Variants in RGS5 observed in about 807,000 individuals in gnomAD.
RGS5 encodes the protein regulator of G protein signaling 5.
A neutral mutation model predicts 18.9 loss-of-function variants in RGS5; 20 were observed. The observed-to-expected ratio is 1.06, with a 90% CI of 0.74 to 1.54. The LOEUF is 1.54. Ranked by LOEUF, RGS5 falls within the 40% of genes most tolerant of loss-of-function variation. RGS5 has a pLI of 0.00. For missense variants in RGS5, 201 were observed against 211.8 expected, an observed-to-expected ratio of 0.95 and a Z score of 0.32; for synonymous variants, 57 against 76.2, an observed-to-expected ratio of 0.75 and a Z score of 1.31.
At chr1:163,217,780 A>G (rs1660250307), upstream of RGS5, 2 of 727,882 alleles carry the variant, frequency 2.7e-6, no homozygotes, top group East Asian at 5.8e-5. Flanking sequence ...AACTTCTGAT[A>G]TGTGGTTTAT....
intron 1 of RGS5, among the ~76,000 whole-genome samples, chr1:163,177,553 GAA>G (rs371722885): frequency 2.9e-4 from 44 of 152,238 alleles, no homozygotes; most frequent in Middle Eastern, 3.4e-3. Context: ...ACCTGGGGGA[GAA>G]ACACACTTTA....
intron 2 of RGS5, among the ~76,000 whole-genome samples, chr1:163,290,473 G>A (rs1461376537): frequency 1.3e-5 from 2 of 152,128 alleles, no homozygotes; most frequent in Non-Finnish European, 2.9e-5. Context: ...TGTTTACTAA[G>A]CCATCTCAGT....
At chr1:163,314,563 C>CA (rs66971381) in intron 1 of RGS5, among the ~76,000 whole-genome samples, 8,021 of 151,642 alleles carry the variant, frequency 0.053, 240 homozygotes, top group South Asian at 0.093. Context: ...ACAACAACAA[C>CA]AAAAAAAACC....
intron 2 of RGS5, among the ~76,000 whole-genome samples, chr1:163,254,413 A>C (rs1012168762): frequency 6.6e-6 from 1 of 151,980 alleles, no homozygotes; most frequent in African/African-American, 2.4e-5. Flanking sequence ...GATGGTGAGC[A>C]TTTTTTCATG....
intron 3 of RGS5, among the ~76,000 whole-genome samples, chr1:163,156,613 G>A (rs971043012): frequency 6.6e-6 from 1 of 152,054 alleles, no homozygotes; most frequent in Non-Finnish European, 1.5e-5. Flanking sequence ...CCACCTCCCA[G>A]TCTAAATCTG....
intron 1 of RGS5, among the ~76,000 whole-genome samples, chr1:163,196,123 AG>A (rs1458939042): frequency 6.6e-6 from 1 of 152,180 alleles, no homozygotes; most frequent in Non-Finnish European, 1.5e-5. Context: ...AGAAACAATC[AG>A]GCTTTCACTG....
intron 1 of RGS5, among the ~76,000 whole-genome samples, chr1:163,315,338 C>T (rs1649991513): frequency 6.6e-6 from 1 of 152,084 alleles, no homozygotes; most frequent in Non-Finnish European, 1.5e-5. Flanking sequence ...AGTAGGACTG[C>T]CTGAGGCCAG....
chr1:163,280,981 C>T (rs765745902), intron 2 of RGS5, among the ~76,000 whole-genome samples: 15 of 152,200 alleles, frequency 9.9e-5, no homozygotes, highest in African/African-American at 2.4e-4. Context: ...GCTCTCATTC[C>T]GATGAGTTGT....
In RGS5 at chr1:163,143,324, A is replaced by G. The variant is rs1375349641; in HGVS notation, c.*4018T>C. On this transcript the variant is annotated 3_prime_UTR_variant, in exon 5 of 5. Transcript: ENST00000313961. ...AGATGCACCAAACTTCATGTCCAAA[A>G]CCTACATAGAATTGCCTACCCCTTG... is the stretch of plus-strand genomic sequence containing the variant. The G allele has an allele frequency of 2.0e-5, 3 of 152,006 alleles. No homozygotes were observed. The highest frequency in any genetic ancestry group is 4.4e-5 in the Non-Finnish European group (3 of 67,998). The allele number at this position is 152,006 out of a possible 1,614,324, so 9.4% of individuals were successfully genotyped here.
chr1:163,207,512 C>T (rs1659979299), upstream of RGS5, among the ~76,000 whole-genome samples: 1 of 152,104 alleles, frequency 6.6e-6, no homozygotes, highest in African/African-American at 2.4e-5. Flanking sequence ...TAATTTTTTC[C>T]AGTGACAGGC....
chr1:163,309,089 C>A (rs915835793), intron 1 of RGS5, among the ~76,000 whole-genome samples: 3 of 152,084 alleles, frequency 2.0e-5, no homozygotes, highest in Non-Finnish European at 4.4e-5. Context: ...GTGGTTCATG[C>A]CTGTAATCCC....
chr1:163,241,189 T>C (rs1042743460), intron 2 of RGS5, among the ~76,000 whole-genome samples: 4 of 152,238 alleles, frequency 2.6e-5, no homozygotes, highest in African/African-American at 4.8e-5. Flanking sequence ...TATGTGTTCA[T>C]TTGATTATTT....
intron 1 of RGS5, among the ~76,000 whole-genome samples, chr1:163,191,349 A>G (rs1206302337): frequency 6.6e-6 from 1 of 152,168 alleles, no homozygotes; most frequent in Non-Finnish European, 1.5e-5. Flanking sequence ...GCTATAAAAA[A>G]AAAAAGATAG....
chr1:163,185,000 C>T (rs1659011205), intron 1 of RGS5, among the ~76,000 whole-genome samples: 1 of 152,158 alleles, frequency 6.6e-6, no homozygotes, highest in African/African-American at 2.4e-5. Flanking sequence ...GACTTAAAAC[C>T]AGTCAGACTG....
chr1:163,308,581 C>T (rs1278186933), intron 1 of RGS5: 1 of 152,114 alleles, frequency 6.6e-6, no homozygotes, highest in Non-Finnish European at 1.5e-5. Context: ...ATTAACAAAA[C>T]TTCATCAGGA....
chr1:163,301,954 T>G (rs535404538), intron 2 of RGS5, among the ~76,000 whole-genome samples: 7 of 151,652 alleles, frequency 4.6e-5, no homozygotes, highest in Non-Finnish European at 8.8e-5. Context: ...CAATTTAAAG[T>G]GAGTATTTGG....
intron 2 of RGS5, among the ~76,000 whole-genome samples, chr1:163,278,028 G>T (rs575344311): frequency 6.6e-6 from 1 of 151,324 alleles, no homozygotes; most frequent in Non-Finnish European, 1.5e-5. Flanking sequence ...TTAAACATTT[G>T]CAAAAAAAAT....
intron 2 of RGS5, among the ~76,000 whole-genome samples, chr1:163,263,884 A>T (rs992932659): frequency 1.3e-5 from 2 of 150,248 alleles, no homozygotes; most frequent in Admixed American, 6.7e-5. Flanking sequence ...TTATTTCCTG[A>T]TCCTGTCACC....
intron 2 of RGS5, chr1:163,304,181 T>C (rs1314741907): frequency 3.3e-5 from 5 of 152,220 alleles, no homozygotes; most frequent in African/African-American, 1.2e-4. Context: ...CCAAGATATA[T>C]TCATAGAACC....
Sources: gnomAD v4.1 joint callset for allele counts (sites outside exome capture counted in the v4.1 genomes callset) on GRCh38, gnomAD v4.1.1 for gene constraint, MANE v1.5 for transcripts, NCBI Gene and HGNC (gene_info 2026-07-23, HGNC 2026-07-21) for gene names.